HEATR1: variants seen among roughly 807,000 people sequenced by gnomAD.
The protein encoded by HEATR1 is HEAT repeat-containing protein 1.
In HEATR1, 77 loss-of-function variants were observed where a neutral mutation model predicts 248.2. The ratio of observed to expected loss-of-function variants is 0.31; its 90% confidence interval spans 0.26 to 0.37. The LOEUF is 0.37. Among genes scored for constraint, HEATR1 ranks in the 10% least tolerant of loss-of-function variants. The pLI is 1.00. For missense variants in HEATR1, 2,420 were observed against 2,504.9 expected, an observed-to-expected ratio of 0.97 and a Z score of 0.72; for synonymous variants, 897 against 923.1, an observed-to-expected ratio of 0.97 and a Z score of 0.51.
At chr1:236,560,829 C>T (rs904044454) in intron 33 of HEATR1, among the ~76,000 whole-genome samples, 5 of 152,208 alleles carry the variant, frequency 3.3e-5, no homozygotes, top group African/African-American at 1.2e-4. Context: ...ACAGATACTG[C>T]AACTCAATAC....
In HEATR1 at chr1:236,582,850, T is replaced by C; in HGVS notation, c.2448A>G (p.Glu816=). The C allele has an allele frequency of 6.2e-7, 1 of 1,614,154 alleles. No individual in the cohort carries two copies. Among genetic ancestry groups the C allele is most frequent in the Non-Finnish European group, 8.5e-7 (1 of 1,179,984 alleles). Residue 816 remains glutamate, a synonymous_variant, in exon 19 of 45, where the codon GAA becomes GAG. Transcript: ENST00000366582. ...AGTCCCTGCTGTCTTCTTTCAGTTG[T>C]TCAGGATTCCACCATATATCACCTA... is the stretch of plus-strand genomic sequence containing the variant. ...FPKGDIWWNP[E]QLKEDSRDYL... is the part of the protein sequence containing the mutation.
At chr1:236,584,206 A>G (rs1316303940) in intron 17 of HEATR1, among the ~76,000 whole-genome samples, 1 of 152,198 alleles carries the variant, frequency 6.6e-6, no homozygotes, top group African/African-American at 2.4e-5. Flanking sequence ...TGTATAATAA[A>G]ACACTCTATT....
rs781325001 is a variant in HEATR1, at chr1:236,566,797, G to A, written c.4157C>T (p.Ala1386Val). Reference protein sequence around the residue: ...VVKIISVFVDALPHVPEHRRL... With the variant: ...VVKIISVFVDVLPHVPEHRRL... ...CCTGTGCTCCGGGACGTGTGGCAGC[G>A]CATCCACAAATACACTAATGATTTT... The change falls in exon 30 of 45, where the codon GCG becomes GTG. Residue 1386 changes from alanine (A) to valine (V), a missense_variant. Ala to Val is a moderately conservative substitution (Grantham distance 64). Transcript: ENST00000366582. 1.5e-5 allele frequency: 24 copies of A among 1,613,928 alleles called. No individual in the cohort carries two copies. Among genetic ancestry groups the A allele is most frequent in the South Asian group, 6.6e-5 (6 of 91,084 alleles).
At chr1:236,558,611 T>C in intron 35 of HEATR1, 82 bp from the exon 36 acceptor site, 1 of 1,384,688 alleles carries the variant, frequency 7.2e-7, no homozygotes, top group Admixed American at 2.1e-5. Flanking sequence ...AGCTTGAGAT[T>C]GTCTAAATGG....
chr1:236,563,213 C>T (rs7527114), intron 32 of HEATR1, among the ~76,000 whole-genome samples: 3,952 of 152,278 alleles, frequency 0.026, 167 homozygotes, highest in African/African-American at 0.089. Context: ...TTCAGATTGT[C>T]ACCTTTATTA....
At chr1:236,552,143 G>T (rs528773286) in intron 43 of HEATR1, 36 bp from the exon 44 acceptor site, 1 of 1,354,328 alleles carries the variant, frequency 7.4e-7, no homozygotes, top group Non-Finnish European at 1.1e-6. Context: ...ATAAAAAGTA[G>T]TGTTACTGTA....
In HEATR1 at chr1:236,550,998, A is replaced by T. The variant is rs758936574; in HGVS notation, c.6347-8T>A. On this transcript the variant is annotated splice_region_variant and splice_polypyrimidine_tract_variant and intron_variant, in intron 44 of 44. Coordinates refer to ENST00000366582, the MANE Select transcript of HEATR1 (RefSeq NM_018072.6). ...CTACTTCTTCACATTCATCTAAAAA[A>T]AAAAAAAAAAAATCAAAATTAAAAT... The T allele has an allele frequency of 7.1e-6, 11 of 1,554,386 alleles. No individual in the cohort carries two copies. In the East Asian group the frequency reaches 2.5e-4, roughly 35 times the overall value.
chr1:236,559,664 T>C (rs1304376897), intron 34 of HEATR1, 50 bp downstream of exon 34: 1 of 1,547,638 alleles, frequency 6.5e-7, no homozygotes, highest in Non-Finnish European at 8.8e-7. Context: ...TTCACAATAA[T>C]TTAAAAAACA....
At chr1:236,602,006 G>A (rs1418776375) in intron 3 of HEATR1, among the ~76,000 whole-genome samples, 1 of 151,924 alleles carries the variant, frequency 6.6e-6, no homozygotes, top group South Asian at 2.1e-4. Context: ...GGGCGTAGTG[G>A]TATGTGCCTG....
In HEATR1 at chr1:236,596,820, C is replaced by T. The variant is rs1474278422; in HGVS notation, c.744+16G>A. On this transcript the variant is annotated intron_variant, in intron 6 of 44. Transcript: ENST00000366582. Reference sequence around the variant, plus strand: ...TAAGTACAAAATAATCTACTTAACACATCAGCAGTGCCAACCTTTTGGATA... The same window carrying T: ...TAAGTACAAAATAATCTACTTAACATATCAGCAGTGCCAACCTTTTGGATA... 6.2e-7 allele frequency: 1 copy of T among 1,601,290 alleles called. No homozygotes were observed. Among genetic ancestry groups the T allele is most frequent in the Non-Finnish European group, 8.5e-7 (1 of 1,175,720 alleles).
At chr1:236,561,071 T>C (rs59524437) in intron 33 of HEATR1, among the ~76,000 whole-genome samples, 154 bp downstream of exon 33, 6 of 152,326 alleles carry the variant, frequency 3.9e-5, no homozygotes, top group African/African-American at 1.2e-4. Flanking sequence ...AAACCCTACA[T>C]AGGGAGAACG....
Position 236,559,767 on chromosome 1 carries a change from T to C in HEATR1, c.4717A>G (p.Thr1573Ala). Residue 1573 changes from threonine to alanine, a missense_variant, in exon 34 of 45, where the codon ACC becomes GCC. Physicochemically the swap from Thr to Ala is moderately conservative, Grantham distance 58. Transcript: ENST00000366582. Reference protein sequence around the residue: ...QSMERNADKLTVKFWRALLSK... With the variant: ...QSMERNADKLAVKFWRALLSK... ...AGGAGCGCGCGCCAGAACTTCACGG[T>C]GAGTTTGTCTGCGTTCCTTTCCATG... The C allele has an allele frequency of 6.2e-7, 1 of 1,614,042 alleles. No homozygotes were observed. Among genetic ancestry groups the C allele is most frequent in the Non-Finnish European group, 8.5e-7 (1 of 1,179,980 alleles).
At chr1:236,592,841 CG>C (rs1182648237) in intron 9 of HEATR1, among the ~76,000 whole-genome samples, 1 of 152,140 alleles carries the variant, frequency 6.6e-6, no homozygotes, top group Non-Finnish European at 1.5e-5. Flanking sequence ...TTTCGGAGGC[CG>C]GGGCAGGAGA....
chr1:236,552,973 T>C (rs914423467), intron 43 of HEATR1: 1 of 152,234 alleles, frequency 6.6e-6, no homozygotes, highest in African/African-American at 2.4e-5. Flanking sequence ...ATAAATCCTA[T>C]TAATAAAATT....
intron 4 of HEATR1, among the ~76,000 whole-genome samples, chr1:236,598,363 T>C (rs965263156): frequency 2.6e-5 from 4 of 152,188 alleles, no homozygotes; most frequent in Non-Finnish European, 5.9e-5. Flanking sequence ...ACTAGGAAAC[T>C]GCACAACTTA....
rs1275797541 is a variant in HEATR1 at position 236,583,144 on chromosome 1, A to T, written c.2294T>A (p.Val765Glu). The change falls in exon 18 of 45, where the codon GTG becomes GAG. Residue 765 changes from valine (V) to glutamate (E), a missense_variant. Val to Glu is a moderately radical substitution (Grantham distance 121). Transcript: ENST00000366582. ...IELMLDRGIP[V>E]ELWAHYVEEL... is the part of the protein sequence containing the mutation. ...TTCTACATAATGTGCCCACAGCTCC[A>T]CTGGGATCCCTCTGTCTAACATCAG... 6.2e-7 allele frequency: 1 copy of T among 1,613,756 alleles called. No homozygotes were observed. The highest frequency in any genetic ancestry group is 8.5e-7 in the Non-Finnish European group (1 of 1,179,848).
rs773909770 is a variant in HEATR1 at position 236,576,389 on chromosome 1, A to G, written c.2926-12T>C. 26 of 1,554,444 alleles carry G rather than the reference A, an allele frequency of 1.7e-5. No homozygotes were observed. The highest frequency in any genetic ancestry group is 2.2e-5 in the Non-Finnish European group (26 of 1,155,774). ...AAAGTAGCCAAATCCTAAGATACCA[A>G]AAAGAAAATTGGATAAAAAAGGGTT... On this transcript the variant is annotated splice_polypyrimidine_tract_variant and intron_variant, in intron 21 of 44. Transcript: ENST00000366582.
At chr1:236,574,010 T>C (rs1663499506) in intron 24 of HEATR1, 192 bp downstream of exon 24, 1 of 422,320 alleles carries the variant, frequency 2.4e-6, no homozygotes, top group East Asian at 4.0e-5. Context: ...AAATACTTCA[T>C]AAAATAAAAT....
Position 236,595,425 on chromosome 1 carries a change from A to T in HEATR1, c.1090+115T>A, listed in dbSNP as rs1664151622. On this transcript the variant is annotated intron_variant, in intron 8 of 44. Transcript: ENST00000366582. Reference sequence around the variant, plus strand: ...ACTTAAGAAATAGACAAGTTACACAAGAACAACTGGAAAACAGAAATTTTA... The same window carrying T: ...ACTTAAGAAATAGACAAGTTACACATGAACAACTGGAAAACAGAAATTTTA... The T allele has an allele frequency of 3.8e-5, 33 of 863,116 alleles. No homozygotes were observed. In the South Asian group the frequency reaches 7.6e-4, roughly 20 times the overall value. The allele number at this position is 863,116 out of a possible 1,614,324, so 53.5% of individuals were successfully genotyped here.
Sources: allele counts gnomAD v4.1 joint callset (sites outside exome capture counted in the v4.1 genomes callset), GRCh38; gene constraint gnomAD v4.1.1; transcripts MANE v1.5; gene names NCBI Gene and HGNC (gene_info 2026-07-23, HGNC 2026-07-21).